The following CMTM8 variants were observed in gnomAD, a reference collection of about 807,000 sequenced individuals.
CMTM8 encodes CKLF-like MARVEL transmembrane domain-containing protein 8.
Under a neutral mutation model 18.6 loss-of-function variants are expected in CMTM8, and 12 were observed. The observed-to-expected ratio is 0.65, with a 90% CI of 0.41 to 1.05. The LOEUF (loss-of-function observed/expected upper bound fraction) is 1.05, where lower values mean the gene tolerates loss of function less well. Among genes scored for constraint, CMTM8 ranks in the 50% least tolerant of loss-of-function variants. CMTM8 has a pLI of 0.00. For synonymous variants in CMTM8, 87 were observed against 90.6 expected, an observed-to-expected ratio of 0.96 and a Z score of 0.23; for missense variants, 217 against 227.2, an observed-to-expected ratio of 0.95 and a Z score of 0.29.
At chr3:32,262,611 C>A (rs4245886) in intron 1 of CMTM8, among the ~76,000 whole-genome samples, 62,739 of 152,056 alleles carry the variant, frequency 0.41, 13,923 homozygotes, top group South Asian at 0.57. Context: ...AGCTATGCAA[C>A]CTTTACAACT....
chr3:32,363,249 G>A (rs1696970032), intron 2 of CMTM8, among the ~76,000 whole-genome samples: 1 of 152,154 alleles, frequency 6.6e-6, no homozygotes. Flanking sequence ...GATCACCTGT[G>A]CCCCAGGTTC....
At chr3:32,260,248 A>G in intron 1 of CMTM8, 5 of 1,338,624 alleles carry the variant, frequency 3.7e-6, no homozygotes, top group South Asian at 2.4e-5. Context: ...GAAGCAGGGT[A>G]CCCTTTGGGG....
intron 3 of CMTM8, among the ~76,000 whole-genome samples, chr3:32,369,485 C>T (rs1386117838): frequency 2.0e-5 from 3 of 152,170 alleles, no homozygotes; most frequent in Admixed American, 6.5e-5. Context: ...TCACACCTCA[C>T]ATACCATGTG....
At chr3:32,347,793 A>G (rs1696628884) in intron 1 of CMTM8, among the ~76,000 whole-genome samples, 1 of 151,970 alleles carries the variant, frequency 6.6e-6, no homozygotes, top group Non-Finnish European at 1.5e-5. Flanking sequence ...CTTTCCTCCC[A>G]CATTGTGATG....
intron 1 of CMTM8, among the ~76,000 whole-genome samples, chr3:32,262,564 C>T (rs948834163): frequency 2.6e-5 from 4 of 152,206 alleles, no homozygotes; most frequent in African/African-American, 7.2e-5. Flanking sequence ...ATTCTAAGGA[C>T]GTGCCCTATT....
At chr3:32,254,998 G>A (rs1217043447) in intron 1 of CMTM8, among the ~76,000 whole-genome samples, 2 of 151,994 alleles carry the variant, frequency 1.3e-5, no homozygotes. Context: ...TCCTATAAAG[G>A]GAGTCCTATA....
At chr3:32,263,952 A>G (rs1423208343) in intron 1 of CMTM8, among the ~76,000 whole-genome samples, 1 of 152,262 alleles carries the variant, frequency 6.6e-6, no homozygotes, top group Non-Finnish European at 1.5e-5. Flanking sequence ...GGACTATGTG[A>G]AAAGACCAAA....
At chr3:32,313,756 TAA>T (rs780498922) in intron 1 of CMTM8, among the ~76,000 whole-genome samples, 8 of 152,170 alleles carry the variant, frequency 5.3e-5, no homozygotes, top group Non-Finnish European at 1.0e-4. Flanking sequence ...AGCACTGCTT[TAA>T]AAGACCAGGT....
chr3:32,327,132 A>T (rs1443711103), intron 1 of CMTM8, among the ~76,000 whole-genome samples: 1 of 151,402 alleles, frequency 6.6e-6, no homozygotes, highest in Non-Finnish European at 1.5e-5. Context: ...AAAAAAATGG[A>T]GTTTTTCACA....
chr3:32,316,170 G>A (rs1221594480), intron 1 of CMTM8, among the ~76,000 whole-genome samples: 2 of 151,930 alleles, frequency 1.3e-5, no homozygotes, highest in Non-Finnish European at 2.9e-5. Context: ...TGGGACTACA[G>A]GCGCCCGCCA....
At chr3:32,353,784 A>ATTTT (rs10648596) in intron 1 of CMTM8, among the ~76,000 whole-genome samples, 4 of 134,066 alleles carry the variant, frequency 3.0e-5, no homozygotes, top group Non-Finnish European at 3.2e-5. Context: ...TTCTGTGTTA[A>ATTTT]TTTTTTTTTT....
At chr3:32,369,378 A>C (rs1695600417) in intron 3 of CMTM8, among the ~76,000 whole-genome samples, 1 of 152,184 alleles carries the variant, frequency 6.6e-6, no homozygotes, top group South Asian at 2.1e-4. Context: ...AAGCTTCGTC[A>C]AGACTGGGCT....
At chr3:32,314,740 G>C (rs1267878292) in intron 1 of CMTM8, among the ~76,000 whole-genome samples, 2 of 152,268 alleles carry the variant, frequency 1.3e-5, no homozygotes, top group East Asian at 3.9e-4. Flanking sequence ...GCCTCCCAAA[G>C]TGCTTGGACT....
chr3:32,330,611 A>G (rs1480497222), intron 1 of CMTM8, among the ~76,000 whole-genome samples: 1 of 152,228 alleles, frequency 6.6e-6, no homozygotes, highest in Non-Finnish European at 1.5e-5. Context: ...ATATACGCTC[A>G]TATATGTAGT....
chr3:32,267,899 C>T (rs936382863), intron 1 of CMTM8, among the ~76,000 whole-genome samples: 1 of 152,266 alleles, frequency 6.6e-6, no homozygotes, highest in East Asian at 1.9e-4. Context: ...TAATGAGATA[C>T]CATCTCACAC....
intron 1 of CMTM8, among the ~76,000 whole-genome samples, chr3:32,304,318 G>T (rs1695682371): frequency 6.6e-6 from 1 of 152,204 alleles, no homozygotes; most frequent in Non-Finnish European, 1.5e-5. Flanking sequence ...CAAGGAGAAT[G>T]AATTTTCCCC....
intron 1 of CMTM8, among the ~76,000 whole-genome samples, chr3:32,280,338 C>T (rs182881361): frequency 2.6e-5 from 4 of 152,252 alleles, no homozygotes; most frequent in Admixed American, 6.5e-5. Context: ...ACTTTTTCTT[C>T]GTGGCAGATG....
At chr3:32,241,006 T>G (rs1293086523) in intron 1 of CMTM8, among the ~76,000 whole-genome samples, 1 of 152,170 alleles carries the variant, frequency 6.6e-6, no homozygotes, top group Non-Finnish European at 1.5e-5. Flanking sequence ...CAGGCTGCTC[T>G]GAAACTCCTA....
chr3:32,307,226 G>A (rs1301550734), intron 1 of CMTM8, among the ~76,000 whole-genome samples: 1 of 152,212 alleles, frequency 6.6e-6, no homozygotes, highest in Non-Finnish European at 1.5e-5. Flanking sequence ...TGTAATCCCA[G>A]CTACTCGGGA....
Sources: gnomAD v4.1 joint callset for allele counts (sites outside exome capture counted in the v4.1 genomes callset) on GRCh38, gnomAD v4.1.1 for gene constraint, MANE v1.5 for transcripts, NCBI Gene and HGNC (gene_info 2026-07-23, HGNC 2026-07-21) for gene names.